The following HECTD2 variants were observed in gnomAD, a reference collection of about 807,000 sequenced individuals.
HECTD2 encodes probable E3 ubiquitin-protein ligase HECTD2.
Under a neutral mutation model 103.2 loss-of-function variants are expected in HECTD2, and 35 were observed. The observed-to-expected ratio is 0.34, with a 90% CI of 0.26 to 0.45. The LOEUF (loss-of-function observed/expected upper bound fraction) is 0.45, where lower values mean the gene tolerates loss of function less well. HECTD2 is among the 20% of genes least tolerant of loss of function. The pLI is 1.00. For synonymous variants in HECTD2, 281 were observed against 329.9 expected (o/e 0.85, Z 1.61); for missense variants, 596 against 937.4 (o/e 0.64, Z 4.76).
intron 1 of HECTD2, among the ~76,000 whole-genome samples, chr10:91,417,408 A>G (rs1345880608): frequency 6.6e-6 from 1 of 151,892 alleles, no homozygotes; most frequent in African/African-American, 2.4e-5. Flanking sequence ...TTTAGGGTAC[A>G]TGTGCACAAC....
chr10:91,498,257 C>A, intron 16 of HECTD2, 75 bp downstream of exon 16: 3 of 984,882 alleles, frequency 3.0e-6, no homozygotes, highest in Non-Finnish European at 4.8e-6. Context: ...TATTAAATAC[C>A]CACTGTTAGA....
In HECTD2 at chr10:91,461,255, G is replaced by A. The variant is rs1845336477; in HGVS notation, c.409G>A (p.Glu137Lys). Reference protein sequence around the residue: ...IQPKTVKDFQEDVEKVKSSGD... With the variant: ...IQPKTVKDFQKDVEKVKSSGD... Reference sequence around the variant, plus strand: ...ACGGTTAATGTGTTTTCATTTTAGGGAAGATGTAGAAAAAGTTAAGTCATC... The same window carrying A: ...ACGGTTAATGTGTTTTCATTTTAGGAAAGATGTAGAAAAAGTTAAGTCATC... The change falls in exon 4 of 21, where the codon GAA becomes AAA. Residue 137 changes from glutamate (E) to lysine (K), a missense_variant and splice_region_variant. By Grantham distance (56) the Glu-to-Lys change is moderately conservative. Transcript: ENST00000298068. 3 of 1,399,168 alleles carry A rather than the reference G, an allele frequency of 2.1e-6. No homozygotes were observed. The highest frequency in any genetic ancestry group is 1.5e-5 in the African/African-American group (1 of 66,298). The allele number at this position is 1,399,168 out of a possible 1,614,324, so 86.7% of individuals were successfully genotyped here. A position where few individuals can be genotyped will look rare whatever the true frequency, so the allele number is the denominator to read the frequency against.
intron 12 of HECTD2, among the ~76,000 whole-genome samples, chr10:91,491,792 T>G (rs1589538499): frequency 6.6e-6 from 1 of 152,214 alleles, no homozygotes; most frequent in Non-Finnish European, 1.5e-5. Context: ...CAGCTAGATC[T>G]TAATATGGTT....
intron 1 of HECTD2, among the ~76,000 whole-genome samples, chr10:91,412,548 G>T (rs984531886): frequency 6.6e-6 from 1 of 150,626 alleles, no homozygotes; most frequent in Non-Finnish European, 1.5e-5. Context: ...TCTGCCTCTC[G>T]TGTTCAAGCC....
At chr10:91,508,013 C>A (rs1307975623) in intron 20 of HECTD2, among the ~76,000 whole-genome samples, 6 of 132,378 alleles carry the variant, frequency 4.5e-5, no homozygotes, top group Admixed American at 3.5e-4. Flanking sequence ...GAAAAACAAG[C>A]AATGGGGAAA....
intron 20 of HECTD2, among the ~76,000 whole-genome samples, chr10:91,509,199 C>T (rs1847324062): frequency 6.6e-6 from 1 of 151,254 alleles, no homozygotes. Flanking sequence ...GGGTGCAGCA[C>T]ACCAGCATGG....
chr10:91,422,776 CTT>C (rs1843409083), intron 1 of HECTD2, among the ~76,000 whole-genome samples: 1 of 152,050 alleles, frequency 6.6e-6, no homozygotes, highest in Non-Finnish European at 1.5e-5. Context: ...AATTTTCTCT[CTT>C]ATCTTTGAGA....
intron 2 of HECTD2, among the ~76,000 whole-genome samples, chr10:91,450,334 G>C (rs1844751960): frequency 6.6e-6 from 1 of 152,130 alleles, no homozygotes; most frequent in Admixed American, 6.6e-5. Context: ...GCAGAAAACT[G>C]AAACTGGACC....
intron 2 of HECTD2, among the ~76,000 whole-genome samples, chr10:91,430,807 C>A (rs1282970859): frequency 6.6e-6 from 1 of 151,960 alleles, no homozygotes; most frequent in Admixed American, 6.6e-5. Flanking sequence ...GAATACAGTA[C>A]ACTGATGGGT....
At chr10:91,488,859 CT>C (rs1339607407) in intron 11 of HECTD2, 1 of 152,086 alleles carries the variant, frequency 6.6e-6, no homozygotes, top group Non-Finnish European at 1.5e-5. Flanking sequence ...CACTACCCCC[CT>C]GAAGAATGAG....
intron 1 of HECTD2, among the ~76,000 whole-genome samples, chr10:91,416,696 CT>C (rs1453250404): frequency 6.6e-6 from 1 of 152,192 alleles, no homozygotes; most frequent in East Asian, 1.9e-4. Flanking sequence ...AGCTGAAAAG[CT>C]GTTTGTAAGC....
intron 2 of HECTD2, among the ~76,000 whole-genome samples, chr10:91,451,002 C>T (rs1360220972): frequency 1.4e-4 from 21 of 149,440 alleles, no homozygotes; most frequent in African/African-American, 2.1e-4. Flanking sequence ...CTAGCAATCC[C>T]GTTACTGGGT....
At chr10:91,455,516 G>T (rs868218526) in intron 2 of HECTD2, among the ~76,000 whole-genome samples, 1 of 152,118 alleles carries the variant, frequency 6.6e-6, no homozygotes, top group Non-Finnish European at 1.5e-5. Flanking sequence ...CTCCCATTCT[G>T]TAGGTTGCCT....
intron 5 of HECTD2, among the ~76,000 whole-genome samples, chr10:91,467,769 C>A (rs1183067564): frequency 6.6e-6 from 1 of 152,114 alleles, no homozygotes; most frequent in Admixed American, 6.5e-5. Context: ...GTGTGCGTAC[C>A]CCACCAGGCT....
chr10:91,476,957 G>C (rs1025083135), intron 5 of HECTD2, among the ~76,000 whole-genome samples: 3 of 150,012 alleles, frequency 2.0e-5, no homozygotes, highest in Non-Finnish European at 4.4e-5. Context: ...GAGGCGGGTG[G>C]ATCATGAGGT....
intron 2 of HECTD2, among the ~76,000 whole-genome samples, chr10:91,459,807 A>C (rs1845266570): frequency 6.6e-6 from 1 of 152,142 alleles, no homozygotes; most frequent in South Asian, 2.1e-4. Flanking sequence ...ACATACGTTT[A>C]AATAAACAAA....
intron 19 of HECTD2, among the ~76,000 whole-genome samples, 184 bp from the exon 20 acceptor site, chr10:91,501,004 ATAT>A (rs1260752325): frequency 1.3e-5 from 2 of 152,124 alleles, no homozygotes; most frequent in Admixed American, 6.6e-5. Context: ...TTTTATAAAA[ATAT>A]TATTTTATAA....
rs550212429 is a variant in HECTD2 at position 91,439,285 on chromosome 10, T to C, written c.268+13875T>C. On this transcript the variant is annotated intron_variant, in intron 2 of 20. Coordinates refer to ENST00000298068, the MANE Select transcript of HECTD2 (RefSeq NM_182765.6). Reference sequence around the variant, plus strand: ...GTAAGGAAGGATTCCAGTTTCAGTTTTCTGCATATGGCTAGCCAGTTTTCC... The same window carrying C: ...GTAAGGAAGGATTCCAGTTTCAGTTCTCTGCATATGGCTAGCCAGTTTTCC... 2.8e-4 allele frequency among the ~76,000 whole-genome samples: 43 copies of C among 152,334 alleles called. 1 individual carries two copies. Among genetic ancestry groups the C allele is most frequent in the African/African-American group, 9.9e-4 (41 of 41,580 alleles).
intron 20 of HECTD2, among the ~76,000 whole-genome samples, chr10:91,510,531 T>C (rs896359839): frequency 2.6e-5 from 4 of 152,192 alleles, no homozygotes; most frequent in Non-Finnish European, 5.9e-5. Context: ...TAAGAGACCT[T>C]GTATCTAGGT....
Sources: gnomAD v4.1 joint callset for allele counts (sites outside exome capture counted in the v4.1 genomes callset) on GRCh38, gnomAD v4.1.1 for gene constraint, MANE v1.5 for transcripts, NCBI Gene and HGNC (gene_info 2026-07-23, HGNC 2026-07-21) for gene names.